The following PBRM1 variants were observed in gnomAD, a reference collection of about 807,000 sequenced individuals.
The protein encoded by PBRM1 is protein polybromo-1.
PBRM1 carries 27 observed loss-of-function variants against 194.5 expected under a neutral mutation model. The ratio of observed to expected loss-of-function variants is 0.14; its 90% CI spans 0.10 to 0.19. The LOEUF is 0.19. Ranked by LOEUF, PBRM1 falls within the 10% of genes least tolerant of loss-of-function variation. The pLI is 1.00. For synonymous variants in PBRM1, 655 were observed against 693.2 expected, an observed-to-expected ratio of 0.94 and a Z score of 0.87; for missense variants, 1,466 against 2,077.2, an observed-to-expected ratio of 0.71 and a Z score of 5.72.
exon 14 of PBRM1, chr3:52,617,304 C>T: frequency 6.2e-7 from 1 of 1,614,052 alleles, no homozygotes; most frequent in Non-Finnish European, 8.5e-7. Context: ...TCCGGAACAT[C>T]AGCTTCATGT....
At chr3:52,641,081 A>G (rs2096061122) in intron 10 of PBRM1, among the ~76,000 whole-genome samples, 1 of 152,218 alleles carries the variant, frequency 6.6e-6, no homozygotes, top group Admixed American at 6.5e-5. Context: ...TTTATACATA[A>G]TAGCCTATAG....
chr3:52,660,523 AT>A (rs941270068), intron 4 of PBRM1, among the ~76,000 whole-genome samples: 3 of 151,074 alleles, frequency 2.0e-5, no homozygotes, highest in African/African-American at 4.9e-5. Context: ...ATCTATCTAT[AT>A]TTTTTTTAGA....
chr3:52,594,014 CCGTCAGTTGGGTATTAAAGTCT>C (rs1276169819), intron 17 of PBRM1, among the ~76,000 whole-genome samples: 1 of 152,102 alleles, frequency 6.6e-6, no homozygotes, highest in Non-Finnish European at 1.5e-5. Context: ...CTGTCTAGTA[CCGTCAGTTGGGTATTAAAGTCT>C]CCCCGTATTG....
rs2094516018 is a variant in PBRM1 at position 52,609,692 on chromosome 3, T to C, written c.2188A>G (p.Met730Val). ...TATGTACAGGCATTATTAAACATCATGACAAAGTCCTCAACCATAGAGTCA... is the reference window on the plus strand; with the variant it reads ...TATGTACAGGCATTATTAAACATCACGACAAAGTCCTCAACCATAGAGTCA... Residue 730 changes from methionine (M) to valine (V), a missense_variant, in exon 16 of 30, where the codon ATG becomes GTG. Physicochemically the swap from Met to Val is conservative, Grantham distance 21 (BLOSUM62 1). Transcript: ENST00000296302. This position sits in a 1 kb window ranked among gnomAD's most constrained non-coding sequence, Gnocchi z 4.1. 1.9e-6 allele frequency: 3 copies of C among 1,613,360 alleles called. No individual in the cohort carries two copies. Among genetic ancestry groups the C allele is most frequent in the South Asian group, 1.1e-5 (1 of 90,924 alleles).
At chr3:52,551,347 T>C (rs146809922) in intron 27 of PBRM1, among the ~76,000 whole-genome samples, 438 of 152,340 alleles carry the variant, frequency 2.9e-3, no homozygotes, top group Non-Finnish European at 5.6e-3. Context: ...TGGTTCTAAC[T>C]GGAGTCACTA....
chr3:52,664,028 C>T (rs915527901), intron 3 of PBRM1, among the ~76,000 whole-genome samples: 1 of 149,766 alleles, frequency 6.7e-6, no homozygotes, highest in Non-Finnish European at 1.5e-5. Context: ...CCACTGAACT[C>T]CAGCCTGGGT....
chr3:52,576,865 T>C (rs1002904129), intron 21 of PBRM1, among the ~76,000 whole-genome samples, 167 bp from the exon 24 acceptor site: 3 of 152,112 alleles, frequency 2.0e-5, no homozygotes, highest in African/African-American at 4.8e-5. Flanking sequence ...ATTAAACACA[T>C]GAAAAGATAC....
chr3:52,672,593 C>G (rs1245224092), intron 2 of PBRM1, among the ~76,000 whole-genome samples: 1 of 145,914 alleles, frequency 6.9e-6, no homozygotes, highest in Non-Finnish European at 1.5e-5. Context: ...CTCCTGGGTT[C>G]AAGTGATTCT....
chr3:52,677,253 T>C (rs1382776548), intron 2 of PBRM1, among the ~76,000 whole-genome samples: 1 of 152,136 alleles, frequency 6.6e-6, no homozygotes, highest in Non-Finnish European at 1.5e-5. Flanking sequence ...CCGTACAAAA[T>C]GAAAAGGCAA....
intron 11 of PBRM1, 119 bp downstream of exon 12, chr3:52,634,460 AATGAACAGTTAAAATTTGAGGTT>A (rs2095730482): frequency 3.4e-6 from 2 of 581,730 alleles, no homozygotes; most frequent in Non-Finnish European, 6.0e-6. Flanking sequence ...AAAAAAAGGT[AATGAACAGTTAAAATTTGAGGTT>A]AAAAAAAAAC....
intron 22 of PBRM1, among the ~76,000 whole-genome samples, chr3:52,576,286 G>T (rs924188811): frequency 6.6e-6 from 1 of 152,104 alleles, no homozygotes; most frequent in African/African-American, 2.4e-5. Context: ...GTGCGGTGGT[G>T]CATGCCTATA....
chr3:52,669,493 C>T (rs563460400), intron 2 of PBRM1, among the ~76,000 whole-genome samples: 33 of 151,926 alleles, frequency 2.2e-4, no homozygotes, highest in Non-Finnish European at 4.0e-4. Flanking sequence ...AAATGAAGTT[C>T]CAGGAGACAA....
chr3:52,562,311 A>T (rs2083793987), intron 24 of PBRM1, among the ~76,000 whole-genome samples: 1 of 138,890 alleles, frequency 7.2e-6, no homozygotes, highest in Admixed American at 7.4e-5. Flanking sequence ...TGGGCGACAG[A>T]GCAAGACTCT....
At chr3:52,570,893 C>T (rs1232501624) in intron 22 of PBRM1, among the ~76,000 whole-genome samples, 23 of 148,348 alleles carry the variant, frequency 1.6e-4, no homozygotes, top group Non-Finnish European at 3.3e-4. Flanking sequence ...TTTGTTTCTT[C>T]GTTTTTTTTT....
intron 11 of PBRM1, among the ~76,000 whole-genome samples, chr3:52,629,774 C>G (rs775168428): frequency 1.8e-4 from 27 of 152,144 alleles, no homozygotes; most frequent in Non-Finnish European, 3.2e-4. Flanking sequence ...ACAGGACAGA[C>G]TTTAAATCTT....
chr3:52,614,969 T>G (rs764720877), intron 15 of PBRM1, among the ~76,000 whole-genome samples: 1 of 152,192 alleles, frequency 6.6e-6, no homozygotes, highest in Non-Finnish European at 1.5e-5. Context: ...CCTCAAATTC[T>G]GTCCAGTTGG....
At chr3:52,623,175 C>T (rs1347111925) in intron 13 of PBRM1, among the ~76,000 whole-genome samples, 7 of 152,220 alleles carry the variant, frequency 4.6e-5, no homozygotes, top group Non-Finnish European at 8.8e-5. Flanking sequence ...ATAGTCTCAA[C>T]TACTCAGGAG....
At chr3:52,565,463 AC>A (rs2084887665) in intron 22 of PBRM1, among the ~76,000 whole-genome samples, 1 of 150,760 alleles carries the variant, frequency 6.6e-6, no homozygotes. Flanking sequence ...AGCCAAGAGC[AC>A]CCCAGTGCAC....
At chr3:52,648,480 G>C (rs2096391960) in intron 6 of PBRM1, 38 bp from the exon 8 acceptor site, 1 of 1,112,662 alleles carries the variant, frequency 9.0e-7, no homozygotes, top group Non-Finnish European at 1.4e-6. Flanking sequence ...TCCTTTTAAT[G>C]AGAGTTCATC....
Sources: gnomAD v4.1 joint callset for allele counts (sites outside exome capture counted in the v4.1 genomes callset) on GRCh38, gnomAD v4.1.1 for gene constraint, Gnocchi (gnomAD v3.1) non-coding constraint, MANE v1.5 for transcripts, NCBI Gene and HGNC (gene_info 2026-07-23, HGNC 2026-07-21) for gene names.